WWC2: variants seen among roughly 807,000 people sequenced by gnomAD.
WWC2 encodes the protein WW and C2 domain containing 2, also known as protein WWC2.
Under a neutral mutation model 138.5 loss-of-function variants are expected in WWC2, and 101 were observed. The ratio of observed to expected loss-of-function variants is 0.73; its 90% CI spans 0.62 to 0.86. WWC2 has a LOEUF of 0.86. Among genes scored for constraint, WWC2 ranks in the 40% least tolerant of loss-of-function variants. The pLI, the probability that WWC2 is intolerant of heterozygous loss-of-function variation, is 0.00. For synonymous variants in WWC2, 558 were observed against 538.4 expected (o/e 1.04, Z -0.50); for missense variants, 1,420 against 1,419.4 (o/e 1.00, Z -0.01).
At chr4:183,165,160 G>A (rs1220722828) in intron 1 of WWC2, among the ~76,000 whole-genome samples, 1 of 152,076 alleles carries the variant, frequency 6.6e-6, no homozygotes, top group Non-Finnish European at 1.5e-5. Context: ...TTGGTTTGAG[G>A]GTAGGACAGG....
intron 1 of WWC2, among the ~76,000 whole-genome samples, chr4:183,116,548 A>G (rs1436513688): frequency 6.6e-6 from 1 of 152,230 alleles, no homozygotes; most frequent in East Asian, 1.9e-4. Context: ...CTGTACATCT[A>G]ACAAGATACT....
intron 9 of WWC2, among the ~76,000 whole-genome samples, chr4:183,256,810 G>A (rs1373017744): frequency 3.3e-5 from 5 of 149,472 alleles, no homozygotes; most frequent in African/African-American, 9.9e-5. Flanking sequence ...GCAAGATTCC[G>A]AGTCATTGCT....
chr4:183,156,430 C>A (rs1285275942), intron 1 of WWC2, among the ~76,000 whole-genome samples: 1 of 149,552 alleles, frequency 6.7e-6, no homozygotes, highest in African/African-American at 2.5e-5. Context: ...TTCCTGGGTT[C>A]AAGTGATTCT....
intron 1 of WWC2, among the ~76,000 whole-genome samples, chr4:183,182,555 G>A (rs1734661635): frequency 1.3e-5 from 2 of 152,144 alleles, no homozygotes; most frequent in Admixed American, 6.5e-5. Context: ...GAGAAAAAGA[G>A]GTTCAGGTTA....
intron 1 of WWC2, among the ~76,000 whole-genome samples, chr4:183,145,465 T>A (rs904334918): frequency 3.3e-5 from 5 of 152,230 alleles, no homozygotes; most frequent in African/African-American, 1.2e-4. Context: ...AATTTCAATT[T>A]ACCTGCATGC....
chr4:183,275,480 C>G (rs1299029411), intron 16 of WWC2, among the ~76,000 whole-genome samples: 1 of 152,094 alleles, frequency 6.6e-6, no homozygotes, highest in Admixed American at 6.6e-5. Flanking sequence ...AGGAAAAGCT[C>G]TTCTTTTCCA....
At chr4:183,151,255 A>G (rs560103043) in intron 1 of WWC2, among the ~76,000 whole-genome samples, 58 of 152,144 alleles carry the variant, frequency 3.8e-4, no homozygotes, top group African/African-American at 1.4e-3. Context: ...ATGGTATCTC[A>G]TTGTGGTTTT....
At chr4:183,230,417 C>G (rs1348520984) in intron 4 of WWC2, among the ~76,000 whole-genome samples, 1 of 152,242 alleles carries the variant, frequency 6.6e-6, no homozygotes, top group Non-Finnish European at 1.5e-5. Context: ...TGGCTCACAC[C>G]TGTAATCCCA....
intron 1 of WWC2, among the ~76,000 whole-genome samples, chr4:183,151,153 C>T (rs574824842): frequency 2.6e-5 from 4 of 152,268 alleles, no homozygotes; most frequent in Non-Finnish European, 4.4e-5. Flanking sequence ...ATACTCCCAC[C>T]AACAGTGTAA....
At chr4:183,173,035 TCTCTCCCCTCTCCTCCCCTC>T (rs1734339014) in intron 1 of WWC2, among the ~76,000 whole-genome samples, 1 of 151,850 alleles carries the variant, frequency 6.6e-6, no homozygotes, top group South Asian at 2.1e-4. Context: ...CCCCTCCCCT[TCTCTCCCCTCTCCTCCCCTC>T]CTCTCCTCAC....
intron 1 of WWC2, among the ~76,000 whole-genome samples, chr4:183,137,671 G>A (rs1022873001): frequency 6.6e-6 from 1 of 151,978 alleles, no homozygotes; most frequent in Non-Finnish European, 1.5e-5. Context: ...ATTAATTTTT[G>A]TATTTTTTGT....
intron 16 of WWC2, among the ~76,000 whole-genome samples, chr4:183,275,848 C>G (rs1249746597): frequency 6.6e-6 from 1 of 152,142 alleles, no homozygotes; most frequent in African/African-American, 2.4e-5. Context: ...ATTAATTCTT[C>G]TGTAAACGTT....
intron 21 of WWC2, among the ~76,000 whole-genome samples, chr4:183,308,357 A>G (rs1579076602): frequency 6.6e-6 from 1 of 152,196 alleles, no homozygotes; most frequent in Admixed American, 6.5e-5. Flanking sequence ...TTATTATGTA[A>G]TAGTCAAACT....
intron 1 of WWC2, among the ~76,000 whole-genome samples, chr4:183,113,191 G>A (rs1732292451): frequency 6.6e-6 from 1 of 152,106 alleles, no homozygotes; most frequent in African/African-American, 2.4e-5. Flanking sequence ...AGAATCACTT[G>A]AACCTGGAAG....
chr4:183,103,661 C>T (rs573131415), intron 1 of WWC2, among the ~76,000 whole-genome samples: 2 of 127,860 alleles, frequency 1.6e-5, no homozygotes, highest in African/African-American at 3.0e-5. Context: ...TTTTTTGAGA[C>T]GGAGTCTTGC....
intron 1 of WWC2, among the ~76,000 whole-genome samples, chr4:183,146,199 T>A (rs1048563666): frequency 2.0e-5 from 3 of 152,162 alleles, no homozygotes; most frequent in Non-Finnish European, 4.4e-5. Context: ...CAAGTGGGGT[T>A]CTGATTGAAC....
At chr4:183,116,673 C>T (rs1169299232) in intron 1 of WWC2, among the ~76,000 whole-genome samples, 3 of 152,212 alleles carry the variant, frequency 2.0e-5, no homozygotes, top group African/African-American at 7.2e-5. Flanking sequence ...AACAACTTAG[C>T]CACACATAAT....
chr4:183,149,622 A>T (rs1733581298), intron 1 of WWC2, among the ~76,000 whole-genome samples: 1 of 92,596 alleles, frequency 1.1e-5, no homozygotes, highest in Non-Finnish European at 2.4e-5. Flanking sequence ...AACTCTGTCT[A>T]AAAAAAAAAA....
At chr4:183,162,333 A>G (rs1446494401) in intron 1 of WWC2, among the ~76,000 whole-genome samples, 1 of 152,230 alleles carries the variant, frequency 6.6e-6, no homozygotes, top group Non-Finnish European at 1.5e-5. Flanking sequence ...AAAAATTCTC[A>G]AAGGTCATGG....
Sources: allele counts gnomAD v4.1 joint callset (sites outside exome capture counted in the v4.1 genomes callset), GRCh38; gene constraint gnomAD v4.1.1; transcripts MANE v1.5; gene names NCBI Gene and HGNC (gene_info 2026-07-23, HGNC 2026-07-21).